SMG9: variants seen among roughly 807,000 people sequenced by gnomAD.
SMG9 encodes the protein nonsense-mediated mRNA decay factor SMG9.
SMG9 carries 55 observed loss-of-function variants against 64.0 expected under a neutral mutation model. The ratio of observed to expected loss-of-function variants is 0.86; its 90% CI spans 0.69 to 1.08. The LOEUF (loss-of-function observed/expected upper bound fraction) is 1.08, where lower values mean the gene tolerates loss of function less well. Ranked by LOEUF, SMG9 falls within the 50% of genes least tolerant of loss-of-function variation. SMG9 has a pLI of 0.00. For synonymous variants in SMG9, 244 were observed against 254.8 expected (o/e 0.96, Z 0.41); for missense variants, 554 against 681.3 (o/e 0.81, Z 2.08).
At chr19:43,748,765 C>T (rs746343271) in intron 2 of SMG9, 6 of 520,056 alleles carry the variant, frequency 1.2e-5, no homozygotes, top group African/African-American at 3.8e-5. Context: ...GAGTCTTGAC[C>T]CCTAACTGTG....
chr19:43,752,517 G>A (rs1455077813), intron 1 of SMG9, among the ~76,000 whole-genome samples: 1 of 152,198 alleles, frequency 6.6e-6, no homozygotes, highest in African/African-American at 2.4e-5. Flanking sequence ...AACTGTCTGT[G>A]GCTGCCTTCT....
intron 10 of SMG9, 106 bp downstream of exon 10, chr19:43,734,283 G>A: frequency 1.1e-6 from 1 of 901,332 alleles, no homozygotes. Flanking sequence ...GCTCCACCCA[G>A]AACCCCACTC....
At position 43,731,222 on chromosome 19, in the gene SMG9, C is replaced by T; in HGVS notation, c.*374G>A. On this transcript the variant is annotated 3_prime_UTR_variant, in exon 14 of 14. Coordinates refer to ENST00000270066, the MANE Select transcript of SMG9 (RefSeq NM_019108.4). ...AAGAGCTCTCCAGACCCTGCCTCAC[C>T]TTACAGGGAAGGGCTTAGAGTCAGG... 9.5e-7 allele frequency: 1 copy of T among 1,048,610 alleles called. No individual in the cohort carries two copies. Among genetic ancestry groups the T allele is most frequent in the East Asian group, 8.2e-5 (1 of 12,238 alleles). 65.0% of individuals were successfully genotyped at this position (1,048,610 alleles called of 1,614,324 possible). A position where few individuals can be genotyped will look rare whatever the true frequency, so the allele number is the denominator to read the frequency against.
chr19:43,751,722 T>A (rs375257862), intron 1 of SMG9, among the ~76,000 whole-genome samples: 13 of 152,154 alleles, frequency 8.5e-5, no homozygotes, highest in African/African-American at 3.1e-4. Flanking sequence ...GTGACAGGAA[T>A]GTGGGTGTGG....
Position 43,733,347 on chromosome 19 carries a change from T to C in SMG9, c.1316A>G (p.Glu439Gly). 1.2e-6 allele frequency: 2 copies of C among 1,614,066 alleles called. No homozygotes were observed. Among genetic ancestry groups the C allele is most frequent in the Non-Finnish European group, 1.7e-6 (2 of 1,180,024 alleles). The change falls in exon 12 of 14, where the codon GAG (glutamate) becomes GGG (glycine). Residue 439 changes from glutamate (E) to glycine (G), a missense_variant. Physicochemically the swap from Glu to Gly is moderately conservative, Grantham distance 98 (BLOSUM62 -2). Transcript: ENST00000270066. ...FLVPFMDSEA[E>G]SENPPRAGPG... The stretch of plus-strand genomic sequence containing the variant: ...ACCTGCTCTTGGTGGGTTTTCACTC[T>C]CTGCTTCACTGTCCATGAAGGGTAC...
chr19:43,753,585 C>G (rs531760333), intron 1 of SMG9, among the ~76,000 whole-genome samples: 1 of 151,902 alleles, frequency 6.6e-6, no homozygotes, highest in East Asian at 1.9e-4. Context: ...CTCAGCCTCC[C>G]AAGTAGGTGG....
At chr19:43,748,945 G>A (rs1010110828) in intron 2 of SMG9, 1 of 437,146 alleles carries the variant, frequency 2.3e-6, no homozygotes, top group Non-Finnish European at 4.6e-6. Flanking sequence ...GGAAGGGGGA[G>A]ATGATACAGG....
intron 5 of SMG9, among the ~76,000 whole-genome samples, chr19:43,745,876 C>A (rs1235219421): frequency 1.3e-5 from 2 of 152,180 alleles, no homozygotes; most frequent in Admixed American, 1.3e-4. Flanking sequence ...TGGTACATGC[C>A]TGTAATCCCA....
intron 5 of SMG9, among the ~76,000 whole-genome samples, chr19:43,745,696 G>A (rs1003800829): frequency 1.4e-4 from 21 of 152,008 alleles, no homozygotes; most frequent in Admixed American, 5.9e-4. Context: ...GTGAAACTCC[G>A]TCTCTACCAA....
At chr19:43,734,017 G>A (rs886542239) in intron 10 of SMG9, 26 of 546,178 alleles carry the variant, frequency 4.8e-5, no homozygotes, top group Non-Finnish European at 6.5e-5. Context: ...GGATGAAACA[G>A]GCAAAGGAAC....
intron 11 of SMG9, 42 bp downstream of exon 11, chr19:43,733,584 T>C (rs562724156): frequency 1.9e-6 from 3 of 1,610,620 alleles, no homozygotes; most frequent in Non-Finnish European, 1.7e-6. Flanking sequence ...GATCAGGAAT[T>C]AGGAGGCTGA....
chr19:43,743,244 G>A (rs1460229259), intron 6 of SMG9, among the ~76,000 whole-genome samples: 1 of 152,182 alleles, frequency 6.6e-6, no homozygotes, highest in East Asian at 1.9e-4. Flanking sequence ...AAATTTGCTA[G>A]TTGGGGTGAA....
intron 5 of SMG9, 143 bp downstream of exon 5, chr19:43,747,299 T>G: frequency 1.4e-6 from 1 of 726,116 alleles, no homozygotes. Context: ...CCGCTCTGGT[T>G]AGGTGAGAAT....
intron 2 of SMG9, 92 bp from the exon 3 acceptor site, chr19:43,748,144 T>A (rs1448855818): frequency 1.4e-6 from 2 of 1,417,522 alleles, no homozygotes; most frequent in African/African-American, 2.9e-5. Context: ...CCGAAATATA[T>A]TAACTACCTT....
At chr19:43,733,775 T>C (rs1292612730) in intron 10 of SMG9, 42 bp from the exon 11 acceptor site, 1 of 1,512,970 alleles carries the variant, frequency 6.6e-7, no homozygotes, top group African/African-American at 1.4e-5. Context: ...CAGACATCGC[T>C]TGGCTTCATG....
At chr19:43,734,343 C>T (rs1326864570) in intron 10 of SMG9, 46 bp downstream of exon 10, 1 of 1,466,320 alleles carries the variant, frequency 6.8e-7, no homozygotes, top group Non-Finnish European at 9.3e-7. Context: ...TTCAGCCCCT[C>T]ATTTTTCCTC....
chr19:43,744,745 C>T (rs949466040), intron 6 of SMG9, 27 bp downstream of exon 6: 1 of 1,573,554 alleles, frequency 6.4e-7, no homozygotes, highest in African/African-American at 1.3e-5. Context: ...CCACCTCCCT[C>T]CTGCACCCTA....
intron 9 of SMG9, among the ~76,000 whole-genome samples, chr19:43,736,942 G>A (rs1362735113): frequency 6.6e-6 from 1 of 152,166 alleles, no homozygotes; most frequent in Non-Finnish European, 1.5e-5. Context: ...GAGGTCCTGG[G>A]CTGCAGGAAG....
Position 43,728,869 on chromosome 19 carries a change from A to C in SMG9, c.*2727T>G, listed in dbSNP as rs928694406. The stretch of plus-strand genomic sequence containing the variant: ...GATACCAATGTATTCCTGTGTCTGA[A>C]TTGAAAAGCGTGAGTTCCACCTGCT... On this transcript the variant is annotated 3_prime_UTR_variant, in exon 14 of 14. Coordinates refer to ENST00000270066, the MANE Select transcript of SMG9 (RefSeq NM_019108.4). 1 of 449,430 alleles carries C rather than the reference A, an allele frequency of 2.2e-6. No individual in the cohort carries two copies. Among genetic ancestry groups the C allele is most frequent in the Non-Finnish European group, 2.9e-6 (1 of 340,142 alleles). 27.8% of individuals were successfully genotyped at this position (449,430 alleles called of 1,614,324 possible). A position where few individuals can be genotyped will look rare whatever the true frequency, so the allele number is the denominator to read the frequency against.
Sources: gnomAD v4.1 joint callset for allele counts (sites outside exome capture counted in the v4.1 genomes callset) on GRCh38, gnomAD v4.1.1 for gene constraint, MANE v1.5 for transcripts, NCBI Gene and HGNC (gene_info 2026-07-23, HGNC 2026-07-21) for gene names.